The following LMX1A variants were observed in gnomAD, a reference collection of about 807,000 sequenced individuals.
The protein encoded by LMX1A is LIM homeobox transcription factor 1 alpha.
LMX1A carries 15 observed loss-of-function variants against 49.1 expected under a neutral mutation model. The observed-to-expected ratio is 0.31, with a 90% confidence interval of 0.20 to 0.47. LMX1A has a LOEUF of 0.47. Among genes scored for constraint, LMX1A ranks in the 20% least tolerant of loss-of-function variants. The pLI is 1.00. For missense variants in LMX1A, 372 were observed against 475.8 expected, an observed-to-expected ratio of 0.78 and a Z score of 2.03; for synonymous variants, 167 against 185.7, an observed-to-expected ratio of 0.90 and a Z score of 0.82.
At chr1:165,216,959 T>A (rs1651663277) in intron 4 of LMX1A, among the ~76,000 whole-genome samples, 2 of 152,172 alleles carry the variant, frequency 1.3e-5, no homozygotes, top group Non-Finnish European at 2.9e-5. Context: ...TGTAAAGGGT[T>A]TAGCACCACC....
At chr1:165,220,129 C>A (rs748028747) in intron 4 of LMX1A, among the ~76,000 whole-genome samples, 4 of 152,178 alleles carry the variant, frequency 2.6e-5, no homozygotes, top group Non-Finnish European at 4.4e-5. Context: ...ACACATTCAG[C>A]ACTGTTCCGA....
chr1:165,313,467 CT>C (rs1337320385), intron 3 of LMX1A, among the ~76,000 whole-genome samples: 6 of 125,280 alleles, frequency 4.8e-5, no homozygotes, highest in Admixed American at 8.6e-5. Context: ...CACACACCTT[CT>C]TCCTTTTTTT....
At chr1:165,316,613 G>A (rs1317975608) in intron 3 of LMX1A, among the ~76,000 whole-genome samples, 5 of 152,232 alleles carry the variant, frequency 3.3e-5, no homozygotes. Context: ...ACGCACAAGT[G>A]CTTTGTCGGG....
chr1:165,273,274 C>T (rs550682202), intron 3 of LMX1A, among the ~76,000 whole-genome samples: 214 of 152,288 alleles, frequency 1.4e-3, no homozygotes, highest in African/African-American at 5.1e-3. Context: ...ATACCCCAAG[C>T]CCTTCCAAGA....
intron 3 of LMX1A, among the ~76,000 whole-genome samples, chr1:165,342,358 T>C (rs963361523): frequency 1.3e-5 from 2 of 152,212 alleles, no homozygotes; most frequent in African/African-American, 2.4e-5. Flanking sequence ...ATGGAAGTTA[T>C]GCTGGAAGCT....
chr1:165,292,255 T>C (rs1654497805), intron 3 of LMX1A, among the ~76,000 whole-genome samples: 1 of 151,966 alleles, frequency 6.6e-6, no homozygotes, highest in Non-Finnish European at 1.5e-5. Flanking sequence ...TTTTAACAAG[T>C]GGATCAAAAT....
intron 3 of LMX1A, among the ~76,000 whole-genome samples, chr1:165,346,069 T>C (rs1656236210): frequency 6.6e-6 from 1 of 152,188 alleles, no homozygotes; most frequent in South Asian, 2.1e-4. Flanking sequence ...ATACAGCATG[T>C]GGTCCATTCC....
chr1:165,353,392 T>C, intron 2 of LMX1A, 130 bp from the exon 3 acceptor site: 1 of 703,114 alleles, frequency 1.4e-6, no homozygotes, highest in Non-Finnish European at 2.3e-6. Flanking sequence ...AGGGAACTCC[T>C]GCTAATCAAC....
At chr1:165,302,912 T>C (rs571665273) in intron 3 of LMX1A, among the ~76,000 whole-genome samples, 1 of 152,254 alleles carries the variant, frequency 6.6e-6, no homozygotes, top group Non-Finnish European at 1.5e-5. Flanking sequence ...CTAGGTTTCA[T>C]GTGCTTAACT....
Position 165,201,975 on chromosome 1 carries a change from T to G in LMX1A, c.*1905A>C, listed in dbSNP as rs923096276. Reference sequence around the variant, plus strand: ...ATCTCCTACATTCTCCAACTGGTCTTTACCACAGAAACCTGTGGGGCCATA... The same window carrying G: ...ATCTCCTACATTCTCCAACTGGTCTGTACCACAGAAACCTGTGGGGCCATA... On this transcript the variant is annotated 3_prime_UTR_variant, in exon 9 of 9. Transcript: ENST00000342310. 2 of 152,558 alleles carry G rather than the reference T, an allele frequency of 1.3e-5. No homozygotes were observed. Among genetic ancestry groups the G allele is most frequent in the Non-Finnish European group, 2.9e-5 (2 of 68,038 alleles). The allele number at this position is 152,558 out of a possible 1,614,324, so 9.5% of individuals were successfully genotyped here. A position where few individuals can be genotyped will look rare whatever the true frequency, so the allele number is the denominator to read the frequency against.
intron 3 of LMX1A, among the ~76,000 whole-genome samples, chr1:165,273,288 G>A (rs1422533744): frequency 1.3e-5 from 2 of 152,186 alleles, no homozygotes; most frequent in Non-Finnish European, 2.9e-5. Context: ...TCCAAGAAGT[G>A]ACTAGCATGT....
chr1:165,333,758 G>GCA (rs1291150378), intron 3 of LMX1A, among the ~76,000 whole-genome samples: 3 of 151,500 alleles, frequency 2.0e-5, no homozygotes, highest in South Asian at 4.2e-4. Context: ...ACACAAACAC[G>GCA]CACACACACA....
At chr1:165,326,772 C>T (rs116113237) in intron 3 of LMX1A, among the ~76,000 whole-genome samples, 2 of 152,276 alleles carry the variant, frequency 1.3e-5, no homozygotes, top group Non-Finnish European at 2.9e-5. Context: ...CACGTAGTTG[C>T]TATTTCAGTG....
chr1:165,345,004 G>A (rs1398041336), intron 3 of LMX1A, among the ~76,000 whole-genome samples: 1 of 152,174 alleles, frequency 6.6e-6, no homozygotes, highest in Non-Finnish European at 1.5e-5. Flanking sequence ...GAGACAGGGG[G>A]CCTATTTCTG....
Position 165,353,061 on chromosome 1 carries a change from G to A in LMX1A, c.263+15C>T. On this transcript the variant is annotated intron_variant, in intron 3 of 8. Coordinates refer to ENST00000342310, the MANE Select transcript of LMX1A (RefSeq NM_177398.4). The stretch of plus-strand genomic sequence containing the variant: ...GCCAGTGCGCGGGGAGCGCTGCGGG[G>A]GTGCGGCCACTTACTTCTCGTAGTC... The A allele has an allele frequency of 6.2e-7, 1 of 1,613,286 alleles. No individual in the cohort carries two copies. The highest frequency in any genetic ancestry group is 8.5e-7 in the Non-Finnish European group (1 of 1,179,530).
At chr1:165,230,110 C>G (rs1371486760) in intron 4 of LMX1A, among the ~76,000 whole-genome samples, 1 of 152,118 alleles carries the variant, frequency 6.6e-6, no homozygotes, top group Non-Finnish European at 1.5e-5. Flanking sequence ...AATCTGAAAC[C>G]CAGAAGAGGG....
intron 3 of LMX1A, among the ~76,000 whole-genome samples, chr1:165,340,591 A>G (rs569293701): frequency 1.1e-4 from 16 of 152,070 alleles, no homozygotes; most frequent in Non-Finnish European, 1.6e-4. Flanking sequence ...CATGTAGTAC[A>G]CCCTTGGGCA....
At chr1:165,285,467 A>T (rs1424079464) in intron 3 of LMX1A, among the ~76,000 whole-genome samples, 1 of 152,232 alleles carries the variant, frequency 6.6e-6, no homozygotes, top group Non-Finnish European at 1.5e-5. Flanking sequence ...GAGATGCTGC[A>T]CACCTTTTCT....
chr1:165,245,847 G>C lies in LMX1A; in HGVS notation c.496+3561C>G, dbSNP rs574553221. On this transcript the variant is annotated intron_variant, in intron 4 of 8. Coordinates refer to ENST00000342310, the MANE Select transcript of LMX1A (RefSeq NM_177398.4). Reference sequence around the variant, plus strand: ...TGTCTTTGCGCGGTTCTGCTAGCTTGTCAAAATCTTTTTGAACATCGGGAG... The same window carrying C: ...TGTCTTTGCGCGGTTCTGCTAGCTTCTCAAAATCTTTTTGAACATCGGGAG... Among the ~76,000 whole-genome samples, 20 of 152,108 alleles carry C rather than the reference G, an allele frequency of 1.3e-4. No individual in the cohort carries two copies. In the South Asian group the frequency reaches 4.2e-3, roughly 32 times the overall value.
Sources: allele counts gnomAD v4.1 joint callset (sites outside exome capture counted in the v4.1 genomes callset), GRCh38; gene constraint gnomAD v4.1.1; transcripts MANE v1.5; gene names NCBI Gene and HGNC (gene_info 2026-07-23, HGNC 2026-07-21).